The following MGAM2 variants were observed in gnomAD, a reference collection of about 807,000 sequenced individuals.
The protein encoded by MGAM2 is maltase-glucoamylase 2 (putative).
Under a neutral mutation model 96.1 loss-of-function variants are expected in MGAM2, and 98 were observed. The ratio of observed to expected loss-of-function variants is 1.02; its 90% CI spans 0.87 to 1.21. The LOEUF (loss-of-function observed/expected upper bound fraction) is 1.21, where lower values mean the gene tolerates loss of function less well. Ranked by LOEUF, MGAM2 falls within the 50% of genes most tolerant of loss-of-function variation. The pLI is 0.00. For missense variants in MGAM2, 2,055 were observed against 1,182.4 expected (o/e 1.74, Z -10.82); for synonymous variants, 749 against 414.8 (o/e 1.81, Z -9.79).
chr7:142,132,154 G>T, intron 6 of MGAM2, 69 bp downstream of exon 6: 2 of 608,776 alleles, frequency 3.3e-6, no homozygotes, highest in Non-Finnish European at 5.8e-6. Context: ...CTGATTTACT[G>T]GGGGTGGGCA....
rs2129090255 is a variant in MGAM2, at chr7:142,171,298, T to C, written c.3209T>C (p.Ile1070Thr). Reference protein sequence around the residue: ...VIWDSQLPGFIFNDMFLSIST... With the variant: ...VIWDSQLPGFTFNDMFLSIST... ...TGGGATTCTCAACTCCCTGGCTTCA[T>C]CTTCAATGACATGTTTCTCTCCATT... Residue 1070 changes from isoleucine (I) to threonine (T), a missense_variant, in exon 28 of 48, where the codon ATC becomes ACC. Transcript: ENST00000477922. The C allele has an allele frequency of 1.4e-6, 1 of 702,762 alleles. No individual in the cohort carries two copies. The highest frequency in any genetic ancestry group is 1.5e-5 in the South Asian group (1 of 67,594). 43.5% of individuals were successfully genotyped at this position (702,762 alleles called of 1,614,324 possible).
Position 142,131,571 on chromosome 7 carries a change from G to A in MGAM2, c.364G>A (p.Val122Ile). The A allele has an allele frequency of 1.4e-6, 1 of 703,020 alleles. No homozygotes were observed. The highest frequency in any genetic ancestry group is 2.6e-6 in the Non-Finnish European group (1 of 384,970). The allele number at this position is 703,020 out of a possible 1,614,324, so 43.5% of individuals were successfully genotyped here. The change falls in exon 5 of 48, where the codon GTC (valine) becomes ATC (isoleucine). Residue 122 changes from valine to isoleucine, a missense_variant. Physicochemically the swap from Val to Ile is conservative, Grantham distance 29. Coordinates refer to ENST00000477922, the MANE Select transcript of MGAM2 (RefSeq NM_001293626.2). ...LPSPSLFGNDVATTLFTAEYQ... is the reference protein window; with the variant it reads ...LPSPSLFGNDIATTLFTAEYQ... ...ATCACCATCTCTGTTTGGAAATGAT[G>A]TCGCCACCACCCTTTTCACAGCTGA...
At chr7:142,200,497 G>C (rs1398623512) in intron 45 of MGAM2, among the ~76,000 whole-genome samples, 1 of 152,138 alleles carries the variant, frequency 6.6e-6, no homozygotes, top group African/African-American at 2.4e-5. Flanking sequence ...TTGAGATAGA[G>C]TATGTTAGTT....
intron 33 of MGAM2, among the ~76,000 whole-genome samples, chr7:142,183,690 T>A (rs1243353488): frequency 6.6e-6 from 1 of 152,230 alleles, no homozygotes; most frequent in Non-Finnish European, 1.5e-5. Flanking sequence ...GACACCTGCA[T>A]GCAAAACATG....
chr7:142,159,530 G>A (rs953372591), intron 20 of MGAM2, among the ~76,000 whole-genome samples, 187 bp downstream of exon 20: 4 of 152,172 alleles, frequency 2.6e-5, no homozygotes, highest in African/African-American at 7.2e-5. Context: ...CTTACACTGG[G>A]TAATTTATAA....
chr7:142,194,699 T>TG, intron 37 of MGAM2, among the ~76,000 whole-genome samples: 1 of 76,570 alleles, frequency 1.3e-5, no homozygotes, highest in Admixed American at 1.3e-4. Context: ...TGTGTGTATG[T>TG]GTGTGTGTGT....
At chr7:142,158,226 C>T (rs139205887) in intron 18 of MGAM2, 22 bp from the exon 19 acceptor site, 1 of 702,942 alleles carries the variant, frequency 1.4e-6, no homozygotes, top group African/African-American at 1.7e-5. Context: ...CACCTGCCTT[C>T]ACTGTGCTAC....
At chr7:142,168,558 C>T (rs1563272260) in intron 26 of MGAM2, among the ~76,000 whole-genome samples, 3 of 152,188 alleles carry the variant, frequency 2.0e-5, no homozygotes. Flanking sequence ...GCGTGAGCCA[C>T]CACGCCCGGC....
chr7:142,155,694 G>A (rs1402102754), intron 17 of MGAM2, among the ~76,000 whole-genome samples: 3 of 152,156 alleles, frequency 2.0e-5, no homozygotes, highest in South Asian at 4.1e-4. Context: ...GAGCAGGTGG[G>A]TGGGTGCTCT....
rs868461091 is a variant in MGAM2 at position 142,220,834 on chromosome 7, G to C, written c.6323G>C (p.Ser2108Thr). Residue 2108 changes from serine to threonine, a missense_variant, in exon 48 of 48, where the codon AGT (serine) becomes ACT (threonine). Transcript: ENST00000477922. Reference protein sequence around the residue: ...VPISVTPSLTSTADATISTTV... With the variant: ...VPISVTPSLTTTADATISTTV... ...ATTTCAGTGACTCCTTCTCTGACAA[G>C]TACTGCTGATGCCACCATTAGTACT... 1 of 701,938 alleles carries C rather than the reference G, an allele frequency of 1.4e-6. No homozygotes were observed. Among genetic ancestry groups the C allele is most frequent in the African/African-American group, 1.8e-5 (1 of 57,076 alleles). 43.5% of individuals were successfully genotyped at this position (701,938 alleles called of 1,614,324 possible).
intron 23 of MGAM2, among the ~76,000 whole-genome samples, chr7:142,162,858 C>T (rs982253765): frequency 5.3e-5 from 8 of 151,716 alleles, no homozygotes; most frequent in East Asian, 2.0e-4. Flanking sequence ...AGCAGAATGC[C>T]GGCATTGATG....
intron 3 of MGAM2, among the ~76,000 whole-genome samples, chr7:142,128,526 G>C (rs1794790098): frequency 6.6e-6 from 1 of 152,196 alleles, no homozygotes; most frequent in African/African-American, 2.4e-5. Flanking sequence ...ACAGAAAAAT[G>C]GTTCCATGGG....
chr7:142,179,146 A>G (rs1796464891), intron 32 of MGAM2, among the ~76,000 whole-genome samples: 1 of 151,956 alleles, frequency 6.6e-6, no homozygotes, highest in South Asian at 2.1e-4. Context: ...CTAATTTGAG[A>G]TTTCTCAGCT....
chr7:142,220,339 G>A lies in MGAM2; in HGVS notation c.5828G>A (p.Cys1943Tyr), dbSNP rs1301239073. The change falls in exon 48 of 48, where the codon TGT becomes TAT. Residue 1943 changes from cysteine (C) to tyrosine (Y), a missense_variant. Transcript: ENST00000477922. ...TNATVPITTT[C>Y]FATSTIGVTT... ...GCTACTGTTCCTATCACAACCACAT[G>A]TTTTGCAACAAGTACTATTGGTGTT... The A allele has an allele frequency of 1.4e-6, 1 of 693,624 alleles. No homozygotes were observed. The highest frequency in any genetic ancestry group is 2.7e-5 in the East Asian group (1 of 36,944). The allele number at this position is 693,624 out of a possible 1,614,324, so 43.0% of individuals were successfully genotyped here. A position where few individuals can be genotyped will look rare whatever the true frequency, so the allele number is the denominator to read the frequency against.
intron 26 of MGAM2, 82 bp from the exon 27 acceptor site, chr7:142,169,993 T>C: frequency 1.6e-6 from 1 of 615,018 alleles, no homozygotes; most frequent in Non-Finnish European, 2.9e-6. Context: ...GTCAAAAACA[T>C]GGAAACTGAA....
chr7:142,160,012 C>G, intron 20 of MGAM2, 122 bp from the exon 21 acceptor site: 1 of 586,380 alleles, frequency 1.7e-6, no homozygotes, highest in Non-Finnish European at 3.0e-6. Context: ...AGTCACTTCA[C>G]TTTGGGGTTC....
chr7:142,152,203 T>A (rs1203161181), intron 15 of MGAM2, among the ~76,000 whole-genome samples: 7 of 151,490 alleles, frequency 4.6e-5, no homozygotes, highest in Non-Finnish European at 8.8e-5. Flanking sequence ...AGTTATCTAA[T>A]CTGTTTTACC....
In MGAM2 at chr7:142,220,829, G is replaced by C; in HGVS notation, c.6318G>C (p.Leu2106=). 1.4e-6 allele frequency: 1 copy of C among 701,970 alleles called. No homozygotes were observed. Among genetic ancestry groups the C allele is most frequent in the Non-Finnish European group, 2.6e-6 (1 of 384,742 alleles). 43.5% of individuals were successfully genotyped at this position (701,970 alleles called of 1,614,324 possible). A position where few individuals can be genotyped will look rare whatever the true frequency, so the allele number is the denominator to read the frequency against. ...TTCCCATTTCAGTGACTCCTTCTCT[G>C]ACAAGTACTGCTGATGCCACCATTA... ...ATVPISVTPS[L]TSTADATIST... The change falls in exon 48 of 48, where the codon CTG becomes CTC. Residue 2106 remains leucine (L), a synonymous_variant. Coordinates refer to ENST00000477922, the MANE Select transcript of MGAM2 (RefSeq NM_001293626.2).
Position 142,175,725 on chromosome 7 carries a change from T to G in MGAM2, c.3761T>G (p.Leu1254Arg), listed in dbSNP as rs780643828. Residue 1254 changes from leucine (L) to arginine (R), a missense_variant, in exon 32 of 48, where the codon CTC (leucine) becomes CGC (arginine). Coordinates refer to ENST00000477922, the MANE Select transcript of MGAM2 (RefSeq NM_001293626.2). ...DFTLSANFQN[L>R]SLLIEQMKKN... ...ACCCTCAGTGCCAACTTTCAAAACC[T>G]CAGTCTTCTGATTGAGCAAATGAAG... The G allele has an allele frequency of 1.1e-4, 75 of 702,858 alleles. No homozygotes were observed. Among genetic ancestry groups the G allele is most frequent in the African/African-American group, 1.1e-3 (61 of 57,338 alleles). The allele number at this position is 702,858 out of a possible 1,614,324, so 43.5% of individuals were successfully genotyped here. A position where few individuals can be genotyped will look rare whatever the true frequency, so the allele number is the denominator to read the frequency against.
Sources: gnomAD v4.1 joint callset for allele counts (sites outside exome capture counted in the v4.1 genomes callset) on GRCh38, gnomAD v4.1.1 for gene constraint, MANE v1.5 for transcripts, NCBI Gene and HGNC (gene_info 2026-07-23, HGNC 2026-07-21) for gene names.